MFHAS1: variants seen among roughly 807,000 people sequenced by gnomAD.
The protein encoded by MFHAS1 is malignant fibrous histiocytoma-amplified sequence 1.
Under a neutral mutation model 70.4 loss-of-function variants are expected in MFHAS1, and 50 were observed. The ratio of observed to expected loss-of-function variants is 0.71; its 90% CI spans 0.57 to 0.90. MFHAS1 has a LOEUF of 0.90. MFHAS1 is among the 40% of genes least tolerant of loss of function. The pLI is 0.00. For missense variants in MFHAS1, 1,795 were observed against 1,347.6 expected, an observed-to-expected ratio of 1.33 and a Z score of -5.20; for synonymous variants, 952 against 620.0, an observed-to-expected ratio of 1.54 and a Z score of -7.96.
intron 1 of MFHAS1, among the ~76,000 whole-genome samples, chr8:8,823,690 T>G (rs948591822): frequency 1.3e-5 from 2 of 150,244 alleles, no homozygotes; most frequent in African/African-American, 4.9e-5. Flanking sequence ...AATTCTCCCG[T>G]CTTCAGTCTT....
chr8:8,852,620 AT>A (rs1808289764), intron 1 of MFHAS1, among the ~76,000 whole-genome samples: 1 of 152,170 alleles, frequency 6.6e-6, no homozygotes, highest in Admixed American at 6.5e-5. Context: ...TGTGGACACC[AT>A]CGCCCTTCAT....
At chr8:8,844,352 T>C (rs190842859) in intron 1 of MFHAS1, among the ~76,000 whole-genome samples, 133 of 152,380 alleles carry the variant, frequency 8.7e-4, no homozygotes, top group African/African-American at 2.9e-3. Flanking sequence ...AGGCTTCAAA[T>C]GTGTCATTTG....
chr8:8,876,003 T>G (rs138877712), intron 1 of MFHAS1, among the ~76,000 whole-genome samples: 1 of 152,304 alleles, frequency 6.6e-6, no homozygotes, highest in South Asian at 2.1e-4. Context: ...ATCCACAAAC[T>G]TATCACTCTT....
At chr8:8,853,070 C>T (rs1041081164) in intron 1 of MFHAS1, among the ~76,000 whole-genome samples, 2 of 152,162 alleles carry the variant, frequency 1.3e-5, no homozygotes, top group Admixed American at 1.3e-4. Flanking sequence ...TGGCTCAGTC[C>T]GTGTGTCTGC....
At chr8:8,858,806 G>A (rs988682677) in intron 1 of MFHAS1, among the ~76,000 whole-genome samples, 1 of 151,970 alleles carries the variant, frequency 6.6e-6, no homozygotes, top group South Asian at 2.1e-4. Context: ...TGTTGTTCAA[G>A]GATCAACTAC....
At chr8:8,872,447 A>T (rs910634818) in intron 1 of MFHAS1, among the ~76,000 whole-genome samples, 17 of 152,312 alleles carry the variant, frequency 1.1e-4, no homozygotes, top group African/African-American at 4.1e-4. Flanking sequence ...CTGGGGCCGG[A>T]TGCATGGCAG....
At chr8:8,794,273 G>A (rs565340374) in intron 2 of MFHAS1, among the ~76,000 whole-genome samples, 27 of 152,024 alleles carry the variant, frequency 1.8e-4, no homozygotes, top group Non-Finnish European at 3.1e-4. Context: ...CAATAGCCCC[G>A]GACTTCCAAT....
chr8:8,790,459 G>GT (rs1805683529), intron 2 of MFHAS1: 1 of 765,942 alleles, frequency 1.3e-6, no homozygotes, highest in Non-Finnish European at 1.6e-6. Context: ...AAAAATTCCA[G>GT]TATCAATGTG....
At position 8,890,936 on chromosome 8, in the gene MFHAS1, T is replaced by G; in HGVS notation, c.2123A>C (p.His708Pro). 4 of 1,614,096 alleles carry G rather than the reference T, an allele frequency of 2.5e-6. No homozygotes were observed. Among genetic ancestry groups the G allele is most frequent in the Non-Finnish European group, 3.4e-6 (4 of 1,180,036 alleles). ...DRLQSALSYL[H>P]ESGKLLYFED... ...AAAGTAGAGTAGCTTGCCGCTCTCA[T>G]GCAGGTAGGAGAGGGCACTCTGCAG... The change falls in exon 1 of 3, where the codon CAT becomes CCT. Residue 708 changes from histidine to proline, a missense_variant. Transcript: ENST00000276282.
intron 1 of MFHAS1, among the ~76,000 whole-genome samples, chr8:8,867,509 G>GTAT (rs1808904470): frequency 6.6e-6 from 1 of 150,980 alleles, no homozygotes; most frequent in Non-Finnish European, 1.5e-5. Flanking sequence ...AGTATGCAAA[G>GTAT]TATTATTACA....
chr8:8,870,695 C>T (rs1005982315), intron 1 of MFHAS1, among the ~76,000 whole-genome samples: 1 of 152,068 alleles, frequency 6.6e-6, no homozygotes, highest in African/African-American at 2.4e-5. Context: ...CTCTCCGAGC[C>T]CCTGGAGATC....
intron 1 of MFHAS1, among the ~76,000 whole-genome samples, chr8:8,877,301 CAAA>C (rs3989409): frequency 4.7e-5 from 3 of 63,796 alleles, no homozygotes; most frequent in Middle Eastern, 0.017. Context: ...GACCCTGCCT[CAAA>C]AAAAAAAAAA....
intron 1 of MFHAS1, among the ~76,000 whole-genome samples, chr8:8,841,181 G>C (rs958964032): frequency 6.6e-6 from 1 of 152,160 alleles, no homozygotes; most frequent in Admixed American, 6.5e-5. Context: ...TGTACTTCAA[G>C]ACTTCTTTTT....
At chr8:8,819,154 T>TA (rs1310113596) in intron 1 of MFHAS1, among the ~76,000 whole-genome samples, 2 of 151,958 alleles carry the variant, frequency 1.3e-5, no homozygotes, top group African/African-American at 4.8e-5. Context: ...TTTTGCAGTG[T>TA]ATATATTAAA....
intron 1 of MFHAS1, among the ~76,000 whole-genome samples, chr8:8,855,891 G>T (rs891047911): frequency 6.6e-6 from 1 of 152,118 alleles, no homozygotes; most frequent in Admixed American, 6.6e-5. Flanking sequence ...GCTTTCTGCC[G>T]TTATTTTCAT....
intron 1 of MFHAS1, among the ~76,000 whole-genome samples, chr8:8,860,655 T>C (rs889666503): frequency 1.3e-5 from 2 of 152,144 alleles, no homozygotes; most frequent in East Asian, 3.9e-4. Flanking sequence ...TGAAATGCCA[T>C]AACATCACCC....
At chr8:8,886,356 C>T (rs1245131357) in intron 1 of MFHAS1, among the ~76,000 whole-genome samples, 3 of 151,844 alleles carry the variant, frequency 2.0e-5, no homozygotes, top group African/African-American at 4.8e-5. Flanking sequence ...TTTGTAGACA[C>T]GGAGTCTGGC....
chr8:8,802,205 T>C (rs1395263039), intron 1 of MFHAS1, among the ~76,000 whole-genome samples: 1 of 152,110 alleles, frequency 6.6e-6, no homozygotes, highest in Non-Finnish European at 1.5e-5. Flanking sequence ...GAAGAGGAAA[T>C]TGAGGCTCAG....
At chr8:8,883,900 C>G (rs2116934883) in intron 1 of MFHAS1, among the ~76,000 whole-genome samples, 1 of 151,750 alleles carries the variant, frequency 6.6e-6, no homozygotes, top group South Asian at 2.1e-4. Flanking sequence ...AAAATATCCA[C>G]TAAATAAAAA....
Sources: gnomAD v4.1 joint callset for allele counts (sites outside exome capture counted in the v4.1 genomes callset) on GRCh38, gnomAD v4.1.1 for gene constraint, MANE v1.5 for transcripts, NCBI Gene and HGNC (gene_info 2026-07-23, HGNC 2026-07-21) for gene names.